The following SLC9A9 variants were observed in gnomAD, a reference collection of about 807,000 sequenced individuals.
SLC9A9 encodes solute carrier family 9 member A9, also known as sodium/hydrogen exchanger 9.
In SLC9A9, 62 loss-of-function variants were observed where a neutral mutation model predicts 77.8. That is an observed-to-expected ratio of 0.80 (90% confidence interval 0.65 to 0.98). The LOEUF (loss-of-function observed/expected upper bound fraction) is 0.98, where lower values mean the gene tolerates loss of function less well. Among genes scored for constraint, SLC9A9 ranks in the 50% least tolerant of loss-of-function variants. SLC9A9 has a pLI of 0.00. For synonymous variants in SLC9A9, 320 were observed against 283.5 expected (o/e 1.13, Z -1.29); for missense variants, 775 against 774.9 (o/e 1.00, Z 0.00).
chr3:143,462,970 G>A (rs1292564991), intron 12 of SLC9A9, among the ~76,000 whole-genome samples: 2 of 152,112 alleles, frequency 1.3e-5, no homozygotes, highest in Admixed American at 6.5e-5. Context: ...CCTGGGAAGC[G>A]GCTACTATCA....
At chr3:143,398,041 G>T (rs2360255) in intron 12 of SLC9A9, among the ~76,000 whole-genome samples, 42,772 of 152,006 alleles carry the variant, frequency 0.28, 6,460 homozygotes, top group Non-Finnish European at 0.35. Context: ...TTGATGGATA[G>T]GTACCTACAA....
At chr3:143,793,555 T>G (rs549224738) in intron 4 of SLC9A9, among the ~76,000 whole-genome samples, 1 of 152,324 alleles carries the variant, frequency 6.6e-6, no homozygotes, top group South Asian at 2.1e-4. Flanking sequence ...AGTCCACATG[T>G]CTCAGAACCC....
At chr3:143,782,440 G>A (rs550972515) in intron 4 of SLC9A9, among the ~76,000 whole-genome samples, 58 of 152,282 alleles carry the variant, frequency 3.8e-4, no homozygotes, top group Middle Eastern at 6.8e-3. Context: ...GTCCAAGGGC[G>A]CAATTTAAAT....
chr3:143,433,257 G>T (rs77622906), intron 12 of SLC9A9, among the ~76,000 whole-genome samples: 1 of 152,058 alleles, frequency 6.6e-6, no homozygotes, highest in South Asian at 2.1e-4. Flanking sequence ...AAATCCTATC[G>T]ACTTTGAAGC....
At chr3:143,402,216 C>T (rs370219195) in intron 12 of SLC9A9, among the ~76,000 whole-genome samples, 10 of 152,136 alleles carry the variant, frequency 6.6e-5, no homozygotes, top group African/African-American at 2.4e-4. Context: ...TTTAATTTGG[C>T]ATGCTGCCTA....
intron 6 of SLC9A9, among the ~76,000 whole-genome samples, chr3:143,617,547 A>G (rs756949407): frequency 6.6e-6 from 1 of 152,264 alleles, no homozygotes; most frequent in Non-Finnish European, 1.5e-5. Flanking sequence ...AAGAAAATAC[A>G]TTTAACATTT....
intron 14 of SLC9A9, among the ~76,000 whole-genome samples, chr3:143,303,123 C>T (rs2030609115): frequency 6.6e-6 from 1 of 152,236 alleles, no homozygotes; most frequent in South Asian, 2.1e-4. Context: ...ACTCTTACTC[C>T]TCCAGGGCCA....
intron 4 of SLC9A9, among the ~76,000 whole-genome samples, chr3:143,758,229 A>C (rs2006993002): frequency 6.6e-6 from 1 of 152,212 alleles, no homozygotes; most frequent in Non-Finnish European, 1.5e-5. Context: ...AGCTCCCTTA[A>C]ATGAAAATCT....
chr3:143,652,170 G>A lies in SLC9A9; in HGVS notation c.755+85C>T, dbSNP rs1020419217. On this transcript the variant is annotated intron_variant, in intron 6 of 15. Transcript: ENST00000316549. ...CCTTGAAAAAAGCTAGAGACTGCCC[G>A]TATCTCTGTGACATAAGAGAAAAGA... is the stretch of plus-strand genomic sequence containing the variant. 42 of 1,100,146 alleles carry A rather than the reference G, an allele frequency of 3.8e-5. No individual in the cohort carries two copies. The East Asian group carries it at 4.2e-4, about 11-fold the overall frequency. The allele number at this position is 1,100,146 out of a possible 1,614,324, so 68.1% of individuals were successfully genotyped here.
chr3:143,607,672 C>T (rs773620711), intron 6 of SLC9A9, among the ~76,000 whole-genome samples: 8 of 151,586 alleles, frequency 5.3e-5, no homozygotes, highest in Non-Finnish European at 1.2e-4. Context: ...AGTAATAGAA[C>T]AACAACAACA....
chr3:143,738,996 A>G (rs148831967), intron 4 of SLC9A9, among the ~76,000 whole-genome samples: 42 of 152,264 alleles, frequency 2.8e-4, no homozygotes, highest in African/African-American at 9.4e-4. Flanking sequence ...TCTCCAAGTC[A>G]TAGGCTTGAT....
At chr3:143,323,623 T>G (rs1183777096) in intron 14 of SLC9A9, among the ~76,000 whole-genome samples, 2 of 152,018 alleles carry the variant, frequency 1.3e-5, no homozygotes, top group Non-Finnish European at 2.9e-5. Context: ...GGTGCAAAGA[T>G]ACAGTGAGAT....
At chr3:143,635,166 C>T (rs997959950) in intron 6 of SLC9A9, among the ~76,000 whole-genome samples, 3 of 152,182 alleles carry the variant, frequency 2.0e-5, no homozygotes, top group South Asian at 2.1e-4. Context: ...AAAGATGGAT[C>T]GCCCACATGT....
chr3:143,730,679 G>A (rs1244671595), intron 4 of SLC9A9, among the ~76,000 whole-genome samples: 4 of 152,214 alleles, frequency 2.6e-5, no homozygotes, highest in Middle Eastern at 3.4e-3. Context: ...TAAAAGCAGG[G>A]TTTATTTCCA....
intron 9 of SLC9A9, among the ~76,000 whole-genome samples, chr3:143,523,956 A>G (rs1462806800): frequency 6.6e-6 from 1 of 152,184 alleles, no homozygotes; most frequent in East Asian, 1.9e-4. Flanking sequence ...AATGATATCT[A>G]ATGGTACTGT....
intron 1 of SLC9A9, among the ~76,000 whole-genome samples, chr3:143,841,416 A>G (rs1230278849): frequency 1.3e-5 from 2 of 152,240 alleles, no homozygotes; most frequent in Non-Finnish European, 2.9e-5. Flanking sequence ...TTATAATAGC[A>G]TAGTTTATAT....
At chr3:143,404,407 G>A (rs890221731) in intron 12 of SLC9A9, among the ~76,000 whole-genome samples, 5 of 151,612 alleles carry the variant, frequency 3.3e-5, no homozygotes, top group Non-Finnish European at 7.4e-5. Context: ...CCTGACCTCA[G>A]GTGATCTGCC....
At chr3:143,676,491 T>C (rs9869788) in intron 5 of SLC9A9, among the ~76,000 whole-genome samples, 146,141 of 152,222 alleles carry the variant, frequency 0.96, 70,190 homozygotes, top group East Asian at 1. Flanking sequence ...GTAATCCCAG[T>C]AATTTGGGAG....
intron 9 of SLC9A9, among the ~76,000 whole-genome samples, chr3:143,547,268 C>T (rs1373282954): frequency 6.6e-6 from 1 of 152,138 alleles, no homozygotes; most frequent in Non-Finnish European, 1.5e-5. Flanking sequence ...ATGCAATTAT[C>T]ATCTCTATAT....
Sources: gnomAD v4.1 joint callset for allele counts (sites outside exome capture counted in the v4.1 genomes callset) on GRCh38, gnomAD v4.1.1 for gene constraint, MANE v1.5 for transcripts, NCBI Gene and HGNC (gene_info 2026-07-23, HGNC 2026-07-21) for gene names.